The following GPR174 variants were observed in gnomAD, a reference collection of about 807,000 sequenced individuals.
The protein encoded by GPR174 is G protein-coupled receptor 174, also known as probable G protein-coupled receptor 174.
Under a neutral mutation model 16.5 loss-of-function variants are expected in GPR174, and 8 were observed. The ratio of observed to expected loss-of-function variants is 0.48; its 90% CI spans 0.28 to 0.87. The LOEUF is 0.87. Ranked by LOEUF, GPR174 falls within the 40% of genes least tolerant of loss-of-function variation. The probability of loss-of-function intolerance (pLI) is 0.09; values close to 1 mark genes in which losing one functional copy is unlikely to be tolerated. For synonymous variants in GPR174, 111 were observed against 94.8 expected (o/e 1.17, Z -0.99); for missense variants, 214 against 247.5 (o/e 0.86, Z 0.91).
intron 1 of GPR174, among the ~76,000 whole-genome samples, chrX:79,151,151 C>G (rs1279456155): frequency 9.0e-6 from 1 of 111,321 alleles, no homozygotes; most frequent in Non-Finnish European, 1.9e-5. Context: ...CTACTACTGG[C>G]TCTTTTATTT....
intron 2 of GPR174, among the ~76,000 whole-genome samples, chrX:79,163,506 A>G (rs761580236): frequency 2.7e-4 from 30 of 111,666 alleles, no homozygotes; most frequent in Non-Finnish European, 3.0e-4. Context: ...GATTTTTCTC[A>G]GTTTCCTAGA....
At chrX:79,152,712 T>C (rs938741598) in intron 1 of GPR174, among the ~76,000 whole-genome samples, 2 of 111,787 alleles carry the variant, frequency 1.8e-5, no homozygotes, top group Non-Finnish European at 3.8e-5. Context: ...CATGTTCCTT[T>C]GGGGCTGACT....
At chrX:79,154,957 C>T (rs1448626497) in intron 1 of GPR174, among the ~76,000 whole-genome samples, 1 of 111,516 alleles carries the variant, frequency 9.0e-6, no homozygotes, top group Non-Finnish European at 1.9e-5. Context: ...TGAAGTGACT[C>T]TCTAAAACAA....
chrX:79,161,046 A>G (rs930067593), intron 2 of GPR174, among the ~76,000 whole-genome samples: 1 of 112,454 alleles, frequency 8.9e-6, no homozygotes, highest in African/African-American at 3.2e-5. Flanking sequence ...TCACAGAACA[A>G]ATGATGAAAG....
At chrX:79,147,206 G>T (rs759249081) in intron 1 of GPR174, among the ~76,000 whole-genome samples, 12 of 111,031 alleles carry the variant, frequency 1.1e-4, no homozygotes, top group South Asian at 3.8e-4. Context: ...GAAGTGACTG[G>T]GTCAAGTATC....
At chrX:79,150,656 T>A (rs985240186) in intron 1 of GPR174, among the ~76,000 whole-genome samples, 1 of 111,508 alleles carries the variant, frequency 9.0e-6, no homozygotes, top group Non-Finnish European at 1.9e-5. Context: ...AAATAAAAAA[T>A]TTAACTTCAT....
intron 1 of GPR174, among the ~76,000 whole-genome samples, chrX:79,154,713 C>T (rs1921055724): frequency 9.0e-6 from 1 of 111,012 alleles, no homozygotes; most frequent in Non-Finnish European, 1.9e-5. Context: ...TAGTAGCTCC[C>T]TCATTCCGCA....
chrX:79,161,513 T>C (rs1323644729), intron 2 of GPR174, among the ~76,000 whole-genome samples: 2 of 111,712 alleles, frequency 1.8e-5, no homozygotes, highest in Admixed American at 9.5e-5. Flanking sequence ...GGGAAGGAAG[T>C]TAGAAATAAA....
intron 1 of GPR174, among the ~76,000 whole-genome samples, chrX:79,145,460 A>G (rs1926481259): frequency 8.9e-6 from 1 of 111,745 alleles, no homozygotes; most frequent in Non-Finnish European, 1.9e-5. Context: ...TAAGTTTGAC[A>G]TGGAGAGATT....
In GPR174 at chrX:79,171,470, C is replaced by T. The variant is rs1569282719; in HGVS notation, c.463C>T (p.Leu155Phe). 8.3e-7 allele frequency: 1 copy of T among 1,211,411 alleles called. No individual in the cohort carries two copies. ...CCTTGCCTGTGTACTCTTTCCACTC[C>T]TCAGAACCAGTGATGATACCTCTGG... ...ICLACVLFPLLRTSDDTSGNR... is the reference protein window; with the variant it reads ...ICLACVLFPLFRTSDDTSGNR... The change falls in exon 3 of 3, where the codon CTC becomes TTC. Residue 155 changes from leucine (L) to phenylalanine (F), a missense_variant. Coordinates refer to ENST00000645147, the MANE Select transcript of GPR174 (RefSeq NM_032553.3).
At chrX:79,166,432 CTTTTTTTTTTT>C (rs1174620976) in intron 2 of GPR174, among the ~76,000 whole-genome samples, 3 of 43,625 alleles carry the variant, frequency 6.9e-5, no homozygotes, top group African/African-American at 1.0e-4. Context: ...TTTCTTTTTT[CTTTTTTTTTTT>C]TTTTTTTTTT....
intron 2 of GPR174, among the ~76,000 whole-genome samples, chrX:79,163,907 T>C (rs1921293572): frequency 9.0e-6 from 1 of 111,313 alleles, no homozygotes; most frequent in Admixed American, 9.5e-5. Flanking sequence ...GTGAATCTAG[T>C]ACCTAAAAGA....
Position 79,173,175 on chromosome X carries a change from T to C in GPR174, c.*1166T>C, listed in dbSNP as rs1921559682. The stretch of plus-strand genomic sequence containing the variant: ...AGTCACATGGACCCTAGAATCCACA[T>C]TGATTTTTTTTGGTCTAGCTTTGCC... On this transcript the variant is annotated 3_prime_UTR_variant, in exon 3 of 3. Transcript: ENST00000645147. 9.0e-6 allele frequency: 1 copy of C among 111,568 alleles called. No homozygotes were observed. Among genetic ancestry groups the C allele is most frequent in the Non-Finnish European group, 1.9e-5 (1 of 53,101 alleles). 9.2% of individuals were successfully genotyped at this position (111,568 alleles called of 1,213,427 possible).
At chrX:79,158,605 G>A (rs1265267814) in intron 2 of GPR174, among the ~76,000 whole-genome samples, 1 of 106,293 alleles carries the variant, frequency 9.4e-6, no homozygotes, top group Non-Finnish European at 1.9e-5. Flanking sequence ...CACCACACCC[G>A]ACTAATTTTT....
intron 2 of GPR174, among the ~76,000 whole-genome samples, chrX:79,160,011 C>G (rs1447057281): frequency 9.0e-6 from 1 of 111,535 alleles, no homozygotes; most frequent in Non-Finnish European, 1.9e-5. Context: ...CTTATATTTT[C>G]AAATAAATGT....
intron 1 of GPR174, among the ~76,000 whole-genome samples, chrX:79,151,340 GT>G (rs1602336233): frequency 9.0e-6 from 1 of 110,933 alleles, no homozygotes; most frequent in African/African-American, 3.3e-5. Flanking sequence ...ATATACAACT[GT>G]TTTTTTCAAC....
At chrX:79,152,587 C>A (rs766441738) in intron 1 of GPR174, among the ~76,000 whole-genome samples, 1 of 111,535 alleles carries the variant, frequency 9.0e-6, no homozygotes, top group Non-Finnish European at 1.9e-5. Flanking sequence ...ACACACTCAC[C>A]TCCTCTGTCT....
In GPR174 at chrX:79,160,164, A is replaced by G. The variant is rs769758960; in HGVS notation, c.-557+3246A>G. On this transcript the variant is annotated intron_variant, in intron 2 of 2. Transcript: ENST00000645147. The stretch of plus-strand genomic sequence containing the variant: ...AAATGAGTCTTTAAACAATGTCATC[A>G]TATCATGCTTTTGAACAAAAAAAGG... Among the ~76,000 whole-genome samples the G allele has an allele frequency of 7.2e-5, 8 of 111,036 alleles. No individual in the cohort carries two copies. The South Asian group carries it at 2.1e-3, about 30-fold the overall frequency.
chrX:79,161,892 C>T (rs1021849838), intron 2 of GPR174, among the ~76,000 whole-genome samples: 1 of 111,500 alleles, frequency 9.0e-6, no homozygotes, highest in Non-Finnish European at 1.9e-5. Context: ...CTACTCCATT[C>T]TGGTGCGTGT....
Sources: gnomAD v4.1 joint callset for allele counts (sites outside exome capture counted in the v4.1 genomes callset) on GRCh38, gnomAD v4.1.1 for gene constraint, MANE v1.5 for transcripts, NCBI Gene and HGNC (gene_info 2026-07-23, HGNC 2026-07-21) for gene names.